PTPRM: variants seen among roughly 807,000 people sequenced by gnomAD.
PTPRM encodes protein tyrosine phosphatase receptor type M.
PTPRM carries 47 observed loss-of-function variants against 186.7 expected under a neutral mutation model. That is an observed-to-expected ratio of 0.25 (90% CI 0.20 to 0.32). The LOEUF is 0.32. PTPRM is among the 10% of genes least tolerant of loss of function. PTPRM has a pLI of 1.00. For synonymous variants in PTPRM, 668 were observed against 674.9 expected (o/e 0.99, Z 0.16); for missense variants, 1,494 against 1,865.0 (o/e 0.80, Z 3.66).
intron 13 of PTPRM, among the ~76,000 whole-genome samples, chr18:8,139,014 A>G (rs897878801): frequency 2.6e-5 from 4 of 151,992 alleles, no homozygotes; most frequent in African/African-American, 9.7e-5. Flanking sequence ...CGGCCGACTC[A>G]TGACTGTAAT....
intron 19 of PTPRM, among the ~76,000 whole-genome samples, chr18:8,271,118 T>C (rs1419448902): frequency 2.0e-5 from 3 of 152,156 alleles, no homozygotes; most frequent in Admixed American, 1.3e-4. Flanking sequence ...AAACATAGGT[T>C]GACAAGTACC....
chr18:7,882,324 AAAC>A (rs969066263), intron 2 of PTPRM, among the ~76,000 whole-genome samples: 6 of 152,276 alleles, frequency 3.9e-5, no homozygotes, highest in Admixed American at 6.5e-5. Flanking sequence ...TTTTTTAAAA[AAAC>A]AACAACAACT....
chr18:8,091,438 T>G (rs1335592621), intron 11 of PTPRM, among the ~76,000 whole-genome samples: 1 of 152,190 alleles, frequency 6.6e-6, no homozygotes, highest in Non-Finnish European at 1.5e-5. Context: ...AGAATCATGA[T>G]CAATCCTTAA....
chr18:8,192,626 A>G (rs533239397), intron 14 of PTPRM, among the ~76,000 whole-genome samples: 19 of 152,338 alleles, frequency 1.2e-4, no homozygotes, highest in Admixed American at 5.2e-4. Context: ...TACTGAAAAT[A>G]AATAGAAAGG....
At position 7,568,675 on chromosome 18, in the gene PTPRM, G is replaced by C. The variant is rs902582520; in HGVS notation, c.73+784G>C. On this transcript the variant is annotated intron_variant, in intron 1 of 32. Coordinates refer to ENST00000580170, the MANE Select transcript of PTPRM (RefSeq NM_001105244.2). The surrounding 1 kb of genome is among the most constrained non-coding windows in gnomAD (Gnocchi z 5.1). ...CCCGGCTGCCCGGGGGTCCCAGGTG[G>C]GAAGGAGAGGCACTGGCGGTGTGCG... Among the ~76,000 whole-genome samples the C allele has an allele frequency of 6.6e-6, 1 of 152,198 alleles. No individual in the cohort carries two copies. Among genetic ancestry groups the C allele is most frequent in the Non-Finnish European group, 1.5e-5 (1 of 68,036 alleles).
intron 22 of PTPRM, among the ~76,000 whole-genome samples, chr18:8,324,463 C>T (rs1311330121): frequency 6.6e-6 from 1 of 152,182 alleles, no homozygotes; most frequent in Non-Finnish European, 1.5e-5. Context: ...ACTAGAGTAG[C>T]AGGTCCCATA....
intron 14 of PTPRM, among the ~76,000 whole-genome samples, chr18:8,225,682 G>A (rs1401959282): frequency 6.6e-6 from 1 of 152,120 alleles, no homozygotes; most frequent in Non-Finnish European, 1.5e-5. Context: ...CTTTGTCTGT[G>A]TTCACTAAGC....
intron 1 of PTPRM, among the ~76,000 whole-genome samples, chr18:7,616,344 A>C (rs1023184934): frequency 1.5e-4 from 23 of 151,914 alleles, no homozygotes; most frequent in Admixed American, 1.0e-3. Context: ...ATTTTTGTTG[A>C]GTTGGGGGTC....
chr18:8,336,013 C>G (rs2095437111), intron 22 of PTPRM, among the ~76,000 whole-genome samples: 1 of 146,488 alleles, frequency 6.8e-6, no homozygotes. Context: ...CAGAGAGAGA[C>G]TCTGTCTCAT....
At chr18:8,198,534 T>C (rs2093810657) in intron 14 of PTPRM, among the ~76,000 whole-genome samples, 2 of 152,234 alleles carry the variant, frequency 1.3e-5, no homozygotes, top group African/African-American at 4.8e-5. Flanking sequence ...TACCTCCGTA[T>C]TTCTAAGAAA....
chr18:8,160,206 G>T (rs905781421), intron 14 of PTPRM, among the ~76,000 whole-genome samples: 2 of 151,968 alleles, frequency 1.3e-5, no homozygotes, highest in African/African-American at 4.8e-5. Context: ...CAAGTCCTTT[G>T]TTCAAAAAAA....
intron 4 of PTPRM, among the ~76,000 whole-genome samples, chr18:7,926,228 A>G (rs1325796035): frequency 2.0e-5 from 3 of 152,310 alleles, no homozygotes; most frequent in South Asian, 2.1e-4. Context: ...CAAAACATCA[A>G]TTAGGTTTCA....
intron 23 of PTPRM, among the ~76,000 whole-genome samples, chr18:8,369,659 A>C (rs2095652364): frequency 6.6e-6 from 1 of 152,250 alleles, no homozygotes; most frequent in African/African-American, 2.4e-5. Flanking sequence ...AAGAAGTTAG[A>C]AATCAAATTC....
chr18:7,654,684 C>T (rs1277539749), intron 1 of PTPRM, among the ~76,000 whole-genome samples: 1 of 152,260 alleles, frequency 6.6e-6, no homozygotes, highest in Non-Finnish European at 1.5e-5. Flanking sequence ...TCAGTTACAC[C>T]AGTGCCATTT....
intron 2 of PTPRM, among the ~76,000 whole-genome samples, chr18:7,880,959 C>A (rs1348134529): frequency 6.6e-6 from 1 of 151,962 alleles, no homozygotes; most frequent in African/African-American, 2.4e-5. Flanking sequence ...AGGTTGCAGC[C>A]AGAATTGATT....
chr18:7,932,584 T>G (rs988664433), intron 5 of PTPRM, among the ~76,000 whole-genome samples: 13 of 152,182 alleles, frequency 8.5e-5, no homozygotes, highest in African/African-American at 2.9e-4. Flanking sequence ...AATGCATGAA[T>G]TTTTTCTCTT....
intron 2 of PTPRM, among the ~76,000 whole-genome samples, chr18:7,811,908 C>T (rs1366607634): frequency 1.3e-5 from 2 of 152,098 alleles, no homozygotes; most frequent in Non-Finnish European, 2.9e-5. Flanking sequence ...GCAGCCTCTT[C>T]CTGAGAGACT....
chr18:8,118,775 A>G (rs2092053679), intron 13 of PTPRM, among the ~76,000 whole-genome samples: 2 of 147,562 alleles, frequency 1.4e-5, no homozygotes, highest in Non-Finnish European at 1.5e-5. Flanking sequence ...ATTCCAGACC[A>G]GAAGACAGAG....
chr18:7,745,612 T>C (rs538328586), intron 1 of PTPRM, among the ~76,000 whole-genome samples: 28 of 152,316 alleles, frequency 1.8e-4, no homozygotes, highest in Middle Eastern at 3.4e-3. Flanking sequence ...TAGATCAATG[T>C]GGGATGGATT....
Sources: gnomAD v4.1 joint callset for allele counts (sites outside exome capture counted in the v4.1 genomes callset) on GRCh38, gnomAD v4.1.1 for gene constraint, Gnocchi (gnomAD v3.1) non-coding constraint, MANE v1.5 for transcripts, NCBI Gene and HGNC (gene_info 2026-07-23, HGNC 2026-07-21) for gene names.